Variants in TRIM41 observed in about 807,000 individuals in gnomAD.
The protein encoded by TRIM41 is E3 ubiquitin-protein ligase TRIM41.
In TRIM41, 21 loss-of-function variants were observed where a neutral mutation model predicts 60.6. The ratio of observed to expected loss-of-function variants is 0.35; its 90% CI spans 0.25 to 0.50. The LOEUF (loss-of-function observed/expected upper bound fraction) is 0.50, where lower values mean the gene tolerates loss of function less well. Among genes scored for constraint, TRIM41 ranks in the 20% least tolerant of loss-of-function variants. The pLI, the probability that TRIM41 is intolerant of heterozygous loss-of-function variation, is 0.98. For synonymous variants in TRIM41, 407 were observed against 344.9 expected, an observed-to-expected ratio of 1.18 and a Z score of -2.00; for missense variants, 846 against 868.3, an observed-to-expected ratio of 0.97 and a Z score of 0.32.
At chr5:181,230,693 G>T in intron 1 of TRIM41, 51 bp from the exon 2 acceptor site, 1 of 1,504,294 alleles carries the variant, frequency 6.6e-7, no homozygotes, top group Non-Finnish European at 9.2e-7. Flanking sequence ...GGTAGGCTCT[G>T]AAGGGCAGGT....
chr5:181,234,400 A>G lies in TRIM41; in HGVS notation c.1518A>G (p.Ser506=), dbSNP rs376298052. Residue 506 remains serine, a synonymous_variant, in exon 6 of 6, where the codon TCA becomes TCG. Transcript: ENST00000315073. This position sits in a 1 kb window ranked among gnomAD's most constrained non-coding sequence, Gnocchi z 5.6. ...GGGCGGTGGGTGCTGCCCGTGAATC[A>G]ACCCATCATAAGGAAAAGGTGGGCC... is the stretch of plus-strand genomic sequence containing the variant. ...RGWAVGAARE[S]THHKEKVGPG... 3.2e-6 allele frequency: 5 copies of G among 1,559,982 alleles called. No individual in the cohort carries two copies. In the African/African-American group the frequency reaches 4.1e-5, roughly 13 times the overall value.
rs1451049423 is a variant in TRIM41 at position 181,234,110 on chromosome 5, G to A, written c.1292-64G>A. ...GGAGAAAGGGGGCCCAATCTGTGGA[G>A]TTGGCTGCTGACAGGGGAACAGCCG... On this transcript the variant is annotated intron_variant, in intron 5 of 5. Coordinates refer to ENST00000315073, the MANE Select transcript of TRIM41 (RefSeq NM_033549.5). The surrounding 1 kb of genome is among the most constrained non-coding windows in gnomAD (Gnocchi z 5.6). The A allele has an allele frequency of 1.3e-6, 2 of 1,599,482 alleles. No homozygotes were observed. Among genetic ancestry groups the A allele is most frequent in the South Asian group, 1.1e-5 (1 of 91,046 alleles).
Position 181,235,204 on chromosome 5 carries a change from C to A in TRIM41, c.*429C>A. On this transcript the variant is annotated 3_prime_UTR_variant, in exon 6 of 6. Coordinates refer to ENST00000315073, the MANE Select transcript of TRIM41 (RefSeq NM_033549.5). ...CAAGGCAACATCCCCATTCCAATTC[C>A]ATTTTCTGATGCAGATTTTAGCTGA... 1 of 1,552,458 alleles carries A rather than the reference C, an allele frequency of 6.4e-7. No homozygotes were observed.
rs947752020 is a variant in TRIM41 at position 181,223,384 on chromosome 5, C to T, written c.-616C>T. ...TGATAGCACCGAAAGCAGACGGCCGCCAGGCGCTCCCCCTACCCCCCGAAG... is the reference window on the plus strand; with the variant it reads ...TGATAGCACCGAAAGCAGACGGCCGTCAGGCGCTCCCCCTACCCCCCGAAG... On this transcript the variant is annotated 5_prime_UTR_variant, in exon 1 of 6. Coordinates refer to ENST00000315073, the MANE Select transcript of TRIM41 (RefSeq NM_033549.5). The T allele has an allele frequency of 5.0e-6, 2 of 400,022 alleles. No individual in the cohort carries two copies. The highest frequency in any genetic ancestry group is 2.1e-5 in the African/African-American group (1 of 48,772). 24.8% of individuals were successfully genotyped at this position (400,022 alleles called of 1,614,324 possible).
rs147564538 is a variant in TRIM41, at chr5:181,234,853, C to T, written c.*78C>T. On this transcript the variant is annotated 3_prime_UTR_variant, in exon 6 of 6. Coordinates refer to ENST00000315073, the MANE Select transcript of TRIM41 (RefSeq NM_033549.5). This position sits in a 1 kb window ranked among gnomAD's most constrained non-coding sequence, Gnocchi z 5.6. ...GGAGGGTGGCCCGTAAGTTTGAGGG[C>T]TCAAAGGCTCTTCCCACTGCTTGTT... 1.5e-4 allele frequency: 238 copies of T among 1,609,706 alleles called. 1 individual carries two copies. Among genetic ancestry groups the T allele is most frequent in the Admixed American group, 1.0e-3 (60 of 59,806 alleles).
chr5:181,231,042 G>A (rs945874173), intron 2 of TRIM41: 16 of 450,968 alleles, frequency 3.5e-5, no homozygotes, highest in Non-Finnish European at 4.2e-6. Context: ...TTCCAAAATG[G>A]AGTGGAAACT....
In TRIM41 at chr5:181,235,355, C is replaced by T. The variant is rs758506470; in HGVS notation, c.*580C>T. The T allele has an allele frequency of 6.2e-7, 1 of 1,614,198 alleles. No homozygotes were observed. The highest frequency in any genetic ancestry group is 1.1e-5 in the South Asian group (1 of 91,080). On this transcript the variant is annotated 3_prime_UTR_variant, in exon 6 of 6. Transcript: ENST00000315073. Reference sequence around the variant, plus strand: ...CGTCCTCAATTTCTACCTCCATAGACCGGCCAGAATTTAGCTTCACTTGAG... The same window carrying T: ...CGTCCTCAATTTCTACCTCCATAGATCGGCCAGAATTTAGCTTCACTTGAG...
In TRIM41 at chr5:181,232,661, C is replaced by T. The variant is rs761638995; in HGVS notation, c.912C>T (p.Ser304=). ...CCATCCCCTTTGCACCATTCCAGAGCCAGATGAAGTCAGAGCTGGCAGCGG... is the reference window on the plus strand; with the variant it reads ...CCATCCCCTTTGCACCATTCCAGAGTCAGATGAAGTCAGAGCTGGCAGCGG... ...KEERRVTELK[S]QMKSELAAVA... Residue 304 remains serine, a splice_region_variant and synonymous_variant, in exon 3 of 6, where the codon AGC becomes AGT. Transcript: ENST00000315073. 76 of 1,613,294 alleles carry T rather than the reference C, an allele frequency of 4.7e-5. No individual in the cohort carries two copies. The highest frequency in any genetic ancestry group is 3.4e-4 in the South Asian group (31 of 90,992).
chr5:181,235,547 T>C lies in TRIM41; in HGVS notation c.*772T>C. 2.0e-6 allele frequency: 2 copies of C among 1,002,314 alleles called. No individual in the cohort carries two copies. Among genetic ancestry groups the C allele is most frequent in the Non-Finnish European group, 3.0e-6 (2 of 675,534 alleles). 62.1% of individuals were successfully genotyped at this position (1,002,314 alleles called of 1,614,324 possible). ...CTCCCAGGTCTGCTCACTGCCAGGC[T>C]CCTCTCCCCTTTGTTCAGTGGAGCT... On this transcript the variant is annotated 3_prime_UTR_variant, in exon 6 of 6. Transcript: ENST00000315073.
rs776268971 is a variant in TRIM41 at position 181,224,608 on chromosome 5, T to A, written c.609T>A (p.Asn203Lys). The change falls in exon 1 of 6, where the codon AAT becomes AAA. Residue 203 changes from asparagine to lysine, a missense_variant. Transcript: ENST00000315073. Reference protein sequence around the residue: ...RSFRPNLQLANMVQVIRQMHP... With the variant: ...RSFRPNLQLAKMVQVIRQMHP... ...TCCGCCCCAACCTGCAGCTGGCCAA[T>A]ATGGTCCAGGTGATTCGGCAGATGC... 6.2e-7 allele frequency: 1 copy of A among 1,614,098 alleles called. No individual in the cohort carries two copies.
rs1759025781 is a variant in TRIM41, at chr5:181,234,987, G to A, written c.*212G>A. Reference sequence around the variant, plus strand: ...CAGCCTTCTCTCACCTACTATGTCTGTCCAACAGGTCTGCATGGGTCCCTG... The same window carrying A: ...CAGCCTTCTCTCACCTACTATGTCTATCCAACAGGTCTGCATGGGTCCCTG... On this transcript the variant is annotated 3_prime_UTR_variant, in exon 6 of 6. Coordinates refer to ENST00000315073, the MANE Select transcript of TRIM41 (RefSeq NM_033549.5). This position sits in a 1 kb window ranked among gnomAD's most constrained non-coding sequence, Gnocchi z 5.6. The A allele has an allele frequency of 6.2e-7, 1 of 1,613,946 alleles. No individual in the cohort carries two copies. Among genetic ancestry groups the A allele is most frequent in the South Asian group, 1.1e-5 (1 of 91,088 alleles).
chr5:181,234,690 CCTT>C lies in TRIM41; in HGVS notation c.1811_1813del (p.Phe604del). 1 of 1,614,232 alleles carries C rather than the reference CCTT, an allele frequency of 6.2e-7. No homozygotes were observed. Among genetic ancestry groups the C allele is most frequent in the Non-Finnish European group, 8.5e-7 (1 of 1,180,040 alleles). On this transcript the variant is annotated inframe_deletion, in exon 6 of 6. Coordinates refer to ENST00000315073, the MANE Select transcript of TRIM41 (RefSeq NM_033549.5). The surrounding 1 kb of genome is among the most constrained non-coding windows in gnomAD (Gnocchi z 5.6). ...GCAGAGACTCTAGCCCACGTGCACACCTTCTCGGCTGCCTTCCTGGGCGAGCGT... is the reference window on the plus strand; with the variant it reads ...GCAGAGACTCTAGCCCACGTGCACACCTCGGCTGCCTTCCTGGGCGAGCGT...
chr5:181,229,087 T>C (rs1309721086), intron 1 of TRIM41: 1 of 152,178 alleles, frequency 6.6e-6, no homozygotes, highest in East Asian at 1.9e-4. Context: ...TTGACTATAA[T>C]TCCATTATTA....
intron 2 of TRIM41, chr5:181,232,399 T>A: frequency 2.1e-6 from 1 of 483,978 alleles, no homozygotes. Context: ...AGGTTGGACC[T>A]GAAGGATGAG....
intron 2 of TRIM41, 71 bp downstream of exon 2, chr5:181,230,910 C>A: frequency 7.2e-7 from 1 of 1,394,718 alleles, no homozygotes. Context: ...TTCCCACTCT[C>A]ACAGGGAGTG....
intron 1 of TRIM41, 98 bp from the exon 2 acceptor site, chr5:181,230,646 A>G (rs764046884): frequency 6.1e-5 from 54 of 888,336 alleles, no homozygotes; most frequent in Middle Eastern, 6.7e-4. Flanking sequence ...GGTAGGGATC[A>G]GGCTTTGACC....
chr5:181,232,582 AAGT>A, intron 2 of TRIM41, 74 bp from the exon 3 acceptor site: 1 of 1,378,888 alleles, frequency 7.3e-7, no homozygotes, highest in Admixed American at 2.2e-5. Flanking sequence ...TTGCATTGAG[AAGT>A]AGTAGTTGCA....
rs769454178 is a variant in TRIM41, at chr5:181,235,258, G to T, written c.*483G>T. The T allele has an allele frequency of 1.1e-5, 17 of 1,605,826 alleles. No homozygotes were observed. Among genetic ancestry groups the T allele is most frequent in the Non-Finnish European group, 1.3e-5 (15 of 1,174,534 alleles). ...ATTTGGAAGCCATTTGGGGAGGCAG[G>T]CTGGGCCAAAGGGTAGAGCTGGGTA... On this transcript the variant is annotated 3_prime_UTR_variant, in exon 6 of 6. Coordinates refer to ENST00000315073, the MANE Select transcript of TRIM41 (RefSeq NM_033549.5).
chr5:181,227,957 G>C (rs762496688), intron 1 of TRIM41: 1 of 138,992 alleles, frequency 7.2e-6, no homozygotes, highest in Non-Finnish European at 1.5e-5. Flanking sequence ...TTTTTTTTTC[G>C]TGGAGACAGG....
Sources: allele counts gnomAD v4.1 joint callset, GRCh38; gene constraint gnomAD v4.1.1; non-coding constraint Gnocchi (gnomAD v3.1); transcripts MANE v1.5; gene names NCBI Gene and HGNC (gene_info 2026-07-23, HGNC 2026-07-21).